DEFB121: variants seen among roughly 807,000 people sequenced by gnomAD.
DEFB121 encodes the protein beta-defensin 121.
In DEFB121, 5 loss-of-function variants were observed where a neutral mutation model predicts 2.5. The observed-to-expected ratio is 1.96, with a 90% CI of 1.03 to 4.13. The LOEUF is 4.13. Ranked by LOEUF, DEFB121 falls within the 30% of genes most tolerant of loss-of-function variation. DEFB121 has a pLI of 0.00. For missense variants in DEFB121, 87 were observed against 85.0 expected (o/e 1.02, Z -0.09); for synonymous variants, 39 against 32.6 (o/e 1.20, Z -0.67).
intron 1 of DEFB121, among the ~76,000 whole-genome samples, chr20:31,405,450 A>G (rs1043815511): frequency 6.6e-6 from 1 of 152,032 alleles, no homozygotes; most frequent in East Asian, 1.9e-4. Flanking sequence ...ACCTTTTCTC[A>G]TTGTTCTTTG....
chr20:31,406,031 C>T (rs890928371), intron 1 of DEFB121, 64 bp downstream of exon 1: 1 of 1,575,296 alleles, frequency 6.3e-7, no homozygotes, highest in Non-Finnish European at 8.7e-7. Context: ...GTCAGAGTCC[C>T]CAGAGTTCTC....
upstream of DEFB121, among the ~76,000 whole-genome samples, chr20:31,410,469 C>T (rs1490344026): frequency 6.6e-6 from 1 of 151,894 alleles, no homozygotes; most frequent in African/African-American, 2.4e-5. Context: ...TAGGAGTTGC[C>T]TATGTGAGAG....
upstream of DEFB121, among the ~76,000 whole-genome samples, chr20:31,415,647 A>AT (rs1167849756): frequency 4.7e-5 from 5 of 107,278 alleles, no homozygotes; most frequent in African/African-American, 1.6e-4. Context: ...TAATCAAAAT[A>AT]AATATATATA....
upstream of DEFB121, among the ~76,000 whole-genome samples, chr20:31,408,189 A>C (rs1978547227): frequency 5.9e-5 from 9 of 152,176 alleles, no homozygotes; most frequent in Admixed American, 5.9e-4. Flanking sequence ...CCTGCCTGTA[A>C]TCCCCACAAT....
At position 31,406,165 on chromosome 20, in the gene DEFB121, A is replaced by G; in HGVS notation, c.-13T>C. On this transcript the variant is annotated 5_prime_UTR_variant, in exon 1 of 2. Transcript: ENST00000376314. ...GAAGGAGCTTCATGAATGATGAATGATCAGGGAGGGATAGGAGGCTTCTCA... is the reference window on the plus strand; with the variant it reads ...GAAGGAGCTTCATGAATGATGAATGGTCAGGGAGGGATAGGAGGCTTCTCA... 2 of 1,614,052 alleles carry G rather than the reference A, an allele frequency of 1.2e-6. No individual in the cohort carries two copies. The highest frequency in any genetic ancestry group is 1.6e-4 in the Middle Eastern group (1 of 6,062).
upstream of DEFB121, among the ~76,000 whole-genome samples, chr20:31,407,694 C>G (rs2122352085): frequency 6.6e-6 from 1 of 152,326 alleles, no homozygotes; most frequent in East Asian, 1.9e-4. Flanking sequence ...ATAGTAATGG[C>G]TAACTTATAC....
At chr20:31,415,028 C>G (rs778787450), upstream of DEFB121, among the ~76,000 whole-genome samples, 7 of 152,120 alleles carry the variant, frequency 4.6e-5, no homozygotes, top group Non-Finnish European at 8.8e-5. Context: ...GCTTGTGCCA[C>G]TGCACTCCAG....
At chr20:31,406,405 G>T (rs1978483573), upstream of DEFB121, 4 of 603,728 alleles carry the variant, frequency 6.6e-6, no homozygotes, top group Non-Finnish European at 9.3e-6. Flanking sequence ...TGCCTCTGAA[G>T]AATTTTATAA....
Position 31,404,884 on chromosome 20 carries a change from T to C in DEFB121, c.*29A>G. 6.2e-7 allele frequency: 1 copy of C among 1,611,040 alleles called. No homozygotes were observed. Among genetic ancestry groups the C allele is most frequent in the Non-Finnish European group, 8.5e-7 (1 of 1,179,104 alleles). On this transcript the variant is annotated 3_prime_UTR_variant, in exon 2 of 2. Coordinates refer to ENST00000376314, the MANE Select transcript of DEFB121 (RefSeq NM_001011878.3). ...TTAATAGAACTGCAGGATCCCATGA[T>C]GTTGAGACTCAAGGTTGGAAGAGAG...
chr20:31,408,614 A>G (rs1275459987), upstream of DEFB121, among the ~76,000 whole-genome samples: 3 of 152,374 alleles, frequency 2.0e-5, no homozygotes, highest in East Asian at 3.9e-4. Flanking sequence ...TTACCCACAG[A>G]CAATATATAA....
At chr20:31,407,742 T>C (rs1978528347), upstream of DEFB121, among the ~76,000 whole-genome samples, 1 of 152,184 alleles carries the variant, frequency 6.6e-6, no homozygotes, top group Admixed American at 6.5e-5. Flanking sequence ...AGCCAAGTGC[T>C]TTTTAGGACA....
rs1978430996 is a variant in DEFB121 at position 31,405,068 on chromosome 20, T to A, written c.76A>T (p.Lys26Ter). ...QVTPVMKCWG[K>*]SGRCRTTCKE... ...CATGTTGTTCTGCACCTGCCTGACTTGCCCCAACATTTCATGACTGAAAAC... is the reference window on the plus strand; with the variant it reads ...CATGTTGTTCTGCACCTGCCTGACTAGCCCCAACATTTCATGACTGAAAAC... The change falls in exon 2 of 2, where the codon AAG becomes TAG. Residue 26 changes from lysine to a stop codon, truncating the protein, a stop_gained. Transcript: ENST00000376314. LOFTEE classifies it low-confidence loss of function (END_TRUNC). 4 of 1,597,074 alleles carry A rather than the reference T, an allele frequency of 2.5e-6. No individual in the cohort carries two copies. In the East Asian group the frequency reaches 6.7e-5, roughly 27 times the overall value.
At position 31,404,971 on chromosome 20, in the gene DEFB121, G is replaced by A. The variant is rs1297298377; in HGVS notation, c.173C>T (p.Pro58Leu). Reference protein sequence around the residue: ...AKCCVDPKYVPVKPKLTDTNT... With the variant: ...AKCCVDPKYVLVKPKLTDTNT... Reference sequence around the variant, plus strand: ...TGTGTCTGTTAATTTTGGTTTTACAGGTACATACTTGGGATCCACACAGCA... The same window carrying A: ...TGTGTCTGTTAATTTTGGTTTTACAAGTACATACTTGGGATCCACACAGCA... The change falls in exon 2 of 2, where the codon CCT (proline) becomes CTT (leucine). Residue 58 changes from proline to leucine, a missense_variant. Coordinates refer to ENST00000376314, the MANE Select transcript of DEFB121 (RefSeq NM_001011878.3). 4 of 1,613,630 alleles carry A rather than the reference G, an allele frequency of 2.5e-6. No individual in the cohort carries two copies. Among genetic ancestry groups the A allele is most frequent in the South Asian group, 2.2e-5 (2 of 90,980 alleles).
upstream of DEFB121, among the ~76,000 whole-genome samples, chr20:31,409,859 A>G (rs545214123): frequency 6.6e-6 from 1 of 152,360 alleles, no homozygotes; most frequent in African/African-American, 2.4e-5. Flanking sequence ...ATGAAACTCT[A>G]GAAAACACAA....
upstream of DEFB121, among the ~76,000 whole-genome samples, chr20:31,406,831 G>C (rs886829844): frequency 1.3e-5 from 2 of 152,048 alleles, no homozygotes; most frequent in African/African-American, 4.8e-5. Flanking sequence ...AGACAGTCTT[G>C]TTCTGTCACC....
At chr20:31,415,058 C>T (rs1978767615), upstream of DEFB121, among the ~76,000 whole-genome samples, 2 of 152,030 alleles carry the variant, frequency 1.3e-5, no homozygotes, top group East Asian at 1.9e-4. Flanking sequence ...CAGAGTCAGA[C>T]CCTGTCTCAA....
rs767811447 is a variant in DEFB121 at position 31,406,099 on chromosome 20, G to C, written c.54C>G (p.Thr18=). Residue 18 remains threonine, a synonymous_variant, in exon 1 of 2, where the codon ACC becomes ACG. Coordinates refer to ENST00000376314, the MANE Select transcript of DEFB121 (RefSeq NM_001011878.3). ...CCTTCTGGAGATCCTGTTTACCTGGGGTGACCTGGGCCAGGAGCAGAGTAA... is the reference window on the plus strand; with the variant it reads ...CCTTCTGGAGATCCTGTTTACCTGGCGTGACCTGGGCCAGGAGCAGAGTAA... The part of the protein sequence containing the change: ...LTVTLLLAQV[T]PVMKCWGKSG... 6.2e-7 allele frequency: 1 copy of C among 1,613,670 alleles called. No individual in the cohort carries two copies. Among genetic ancestry groups the C allele is most frequent in the Non-Finnish European group, 8.5e-7 (1 of 1,179,606 alleles).
At position 31,405,013 on chromosome 20, in the gene DEFB121, C is replaced by T. The variant is rs1386301766; in HGVS notation, c.131G>A (p.Cys44Tyr). 1.9e-6 allele frequency: 3 copies of T among 1,613,780 alleles called. No individual in the cohort carries two copies. Among genetic ancestry groups the T allele is most frequent in the Non-Finnish European group, 2.5e-6 (3 of 1,179,992 alleles). The change falls in exon 2 of 2, where the codon TGC (cysteine) becomes TAC (tyrosine). Residue 44 changes from cysteine to tyrosine, a missense_variant. By Grantham distance (194) the Cys-to-Tyr change is radical. Transcript: ENST00000376314. Reference sequence around the variant, plus strand: ...CACACAGCACTTAGCCTCAGTTTTGCATAATATATAGTATACTTCACTTTC... The same window carrying T: ...CACACAGCACTTAGCCTCAGTTTTGTATAATATATAGTATACTTCACTTTC... ...CKESEVYYILCKTEAKCCVDP... is the reference protein window; with the variant it reads ...CKESEVYYILYKTEAKCCVDP...
upstream of DEFB121, among the ~76,000 whole-genome samples, chr20:31,414,175 C>A (rs1978741216): frequency 1.3e-5 from 2 of 151,452 alleles, no homozygotes; most frequent in Admixed American, 1.3e-4. Context: ...CCATTGCCCT[C>A]CAGCCTGGGC....
Sources: gnomAD v4.1 joint callset for allele counts (sites outside exome capture counted in the v4.1 genomes callset) on GRCh38, gnomAD v4.1.1 for gene constraint, MANE v1.5 for transcripts, NCBI Gene and HGNC (gene_info 2026-07-23, HGNC 2026-07-21) for gene names.